SPECC1L: variants seen among roughly 807,000 people sequenced by gnomAD.
The protein encoded by SPECC1L is sperm antigen with calponin homology and coiled-coil domains 1 like.
Under a neutral mutation model 116.8 loss-of-function variants are expected in SPECC1L, and 40 were observed. The ratio of observed to expected loss-of-function variants is 0.34; its 90% confidence interval spans 0.27 to 0.45. The LOEUF is 0.45. Among genes scored for constraint, SPECC1L ranks in the 20% least tolerant of loss-of-function variants. The pLI is 1.00. For missense variants in SPECC1L, 1,110 were observed against 1,373.6 expected, an observed-to-expected ratio of 0.81 and a Z score of 3.03; for synonymous variants, 504 against 500.6, an observed-to-expected ratio of 1.01 and a Z score of -0.09.
intron 4 of SPECC1L, among the ~76,000 whole-genome samples, chr22:24,318,822 G>C (rs141992816): frequency 6.6e-6 from 1 of 151,664 alleles, no homozygotes; most frequent in Non-Finnish European, 1.5e-5. Context: ...CTAGCTACTC[G>C]GGTGGCTGAG....
chr22:24,410,904 A>G (rs1448477108), intron 14 of SPECC1L, among the ~76,000 whole-genome samples: 7 of 152,184 alleles, frequency 4.6e-5, no homozygotes, highest in Admixed American at 4.6e-4. Flanking sequence ...GTCATTGATT[A>G]CCGGCCAGGT....
chr22:24,411,582 C>T lies in SPECC1L; in HGVS notation c.3088-6C>T. Reference sequence around the variant, plus strand: ...TTGGTTACATGTTTTTCTTCCTTTCCTTCAGAATATTGACATTACAAACTT... The same window carrying T: ...TTGGTTACATGTTTTTCTTCCTTTCTTTCAGAATATTGACATTACAAACTT... On this transcript the variant is annotated splice_region_variant and splice_polypyrimidine_tract_variant and intron_variant, in intron 14 of 16. Coordinates refer to ENST00000314328, the MANE Select transcript of SPECC1L (RefSeq NM_015330.6). The T allele has an allele frequency of 6.2e-7, 1 of 1,613,380 alleles. No individual in the cohort carries two copies.
At chr22:24,402,668 C>A (rs1344569411) in intron 14 of SPECC1L, among the ~76,000 whole-genome samples, 1 of 152,164 alleles carries the variant, frequency 6.6e-6, no homozygotes, top group African/African-American at 2.4e-5. Flanking sequence ...GCGCTCTGCA[C>A]GGCTCAGACA....
intron 14 of SPECC1L, among the ~76,000 whole-genome samples, chr22:24,380,766 C>A (rs1394582685): frequency 6.6e-6 from 1 of 152,154 alleles, no homozygotes; most frequent in African/African-American, 2.4e-5. Flanking sequence ...GACTGAAACC[C>A]CCACAAGGAT....
At chr22:24,410,086 C>T (rs905839626) in intron 14 of SPECC1L, among the ~76,000 whole-genome samples, 4 of 152,238 alleles carry the variant, frequency 2.6e-5, no homozygotes, top group African/African-American at 7.2e-5. Flanking sequence ...CGGCCTTAAT[C>T]GGCTCCTAAT....
chr22:24,313,985 C>A (rs183620855), intron 4 of SPECC1L, among the ~76,000 whole-genome samples: 9 of 152,254 alleles, frequency 5.9e-5, no homozygotes, highest in African/African-American at 1.9e-4. Flanking sequence ...GATCTGCCTG[C>A]CTTGGCCTCC....
At chr22:24,371,541 T>C (rs1026972435) in intron 14 of SPECC1L, among the ~76,000 whole-genome samples, 2 of 152,126 alleles carry the variant, frequency 1.3e-5, no homozygotes, top group African/African-American at 4.8e-5. Context: ...AATTAGTAGC[T>C]GAAGGAAAAT....
chr22:24,336,487 A>G (rs2041060406), intron 9 of SPECC1L, among the ~76,000 whole-genome samples: 1 of 152,046 alleles, frequency 6.6e-6, no homozygotes, highest in South Asian at 2.1e-4. Context: ...TGTAGTTCCA[A>G]CTACTTATGA....
chr22:24,408,336 C>T (rs988168246), intron 14 of SPECC1L, among the ~76,000 whole-genome samples: 1 of 152,252 alleles, frequency 6.6e-6, no homozygotes, highest in Non-Finnish European at 1.5e-5. Context: ...GGAGTGGTAA[C>T]TGTTAAATCA....
chr22:24,377,685 C>T (rs1156768804), intron 14 of SPECC1L, among the ~76,000 whole-genome samples: 1 of 152,150 alleles, frequency 6.6e-6, no homozygotes. Flanking sequence ...GTTGTATTAG[C>T]AGACAGGAAA....
In SPECC1L at chr22:24,416,643, A is replaced by G. The variant is rs1257807581; in HGVS notation, c.*2020A>G. 6.6e-6 allele frequency: 1 copy of G among 152,284 alleles called. No individual in the cohort carries two copies. The highest frequency in any genetic ancestry group is 2.4e-5 in the African/African-American group (1 of 41,456). The allele number at this position is 152,284 out of a possible 1,614,324, so 9.4% of individuals were successfully genotyped here. A position where few individuals can be genotyped will look rare whatever the true frequency, so the allele number is the denominator to read the frequency against. ...TGTCCTTCAGGGGCTGTTTTGCCCT[A>G]AGAATGAGGGGGCTTCCCCTGGTCT... is the stretch of plus-strand genomic sequence containing the variant. On this transcript the variant is annotated 3_prime_UTR_variant, in exon 17 of 17. Transcript: ENST00000314328.
intron 1 of SPECC1L, among the ~76,000 whole-genome samples, chr22:24,272,321 C>G (rs1312323563): frequency 6.6e-6 from 1 of 152,088 alleles, no homozygotes; most frequent in Non-Finnish European, 1.5e-5. Flanking sequence ...GCCGAGTTCG[C>G]GCCACTGTAC....
At chr22:24,391,571 G>T (rs1320812654) in intron 14 of SPECC1L, among the ~76,000 whole-genome samples, 1 of 152,152 alleles carries the variant, frequency 6.6e-6, no homozygotes, top group African/African-American at 2.4e-5. Flanking sequence ...GTCCTTAAAT[G>T]CTCATTTCAC....
chr22:24,306,042 A>G (rs1444861825), intron 3 of SPECC1L, among the ~76,000 whole-genome samples: 1 of 151,200 alleles, frequency 6.6e-6, no homozygotes, highest in East Asian at 2.0e-4. Flanking sequence ...AGTAGCTGGG[A>G]TTACAGGCAT....
chr22:24,321,564 A>G lies in SPECC1L; in HGVS notation c.584A>G (p.Lys195Arg). ...GATCTTCTCACGCTGGCAAAAACCA[A>G]AGACGTAGAAATTTTACATTTGAGA... ...VKDLLTLAKT[K>R]DVEILHLRNE... is the part of the protein sequence containing the mutation. The change falls in exon 5 of 17, where the codon AAA becomes AGA. Residue 195 changes from lysine (K) to arginine (R), a missense_variant. Coordinates refer to ENST00000314328, the MANE Select transcript of SPECC1L (RefSeq NM_015330.6). The G allele has an allele frequency of 6.2e-7, 1 of 1,614,230 alleles. No homozygotes were observed. Among genetic ancestry groups the G allele is most frequent in the Middle Eastern group, 1.6e-4 (1 of 6,062 alleles).
chr22:24,336,273 C>A (rs551773382), intron 9 of SPECC1L, among the ~76,000 whole-genome samples: 4 of 151,432 alleles, frequency 2.6e-5, no homozygotes, highest in African/African-American at 7.3e-5. Flanking sequence ...ATGTATATAT[C>A]TATATATACC....
chr22:24,313,887 C>T (rs564500248), intron 4 of SPECC1L, among the ~76,000 whole-genome samples: 12 of 151,708 alleles, frequency 7.9e-5, no homozygotes, highest in South Asian at 2.1e-4. Flanking sequence ...TACAGGCATG[C>T]GCCACCATGC....
At chr22:24,412,310 T>C in intron 15 of SPECC1L, 1 of 391,950 alleles carries the variant, frequency 2.6e-6, no homozygotes, top group Non-Finnish European at 4.9e-6. Context: ...CGAAGATCCC[T>C]GTGGGGGAAG....
At chr22:24,284,909 G>A (rs2049012698) in intron 2 of SPECC1L, among the ~76,000 whole-genome samples, 1 of 152,198 alleles carries the variant, frequency 6.6e-6, no homozygotes, top group African/African-American at 2.4e-5. Context: ...AGTAGAGGGA[G>A]TGGATGAGAA....
Sources: gnomAD v4.1 joint callset for allele counts (sites outside exome capture counted in the v4.1 genomes callset) on GRCh38, gnomAD v4.1.1 for gene constraint, MANE v1.5 for transcripts, NCBI Gene and HGNC (gene_info 2026-07-23, HGNC 2026-07-21) for gene names.